MAGI2: variants seen among roughly 807,000 people sequenced by gnomAD.
MAGI2 encodes the protein membrane-associated guanylate kinase, WW and PDZ domain-containing protein 2.
A neutral mutation model predicts 133.3 loss-of-function variants in MAGI2; 35 were observed. The observed-to-expected ratio is 0.26, with a 90% CI of 0.20 to 0.35. The LOEUF is 0.35. Among genes scored for constraint, MAGI2 ranks in the 10% least tolerant of loss-of-function variants. The pLI is 1.00. For missense variants in MAGI2, 1,636 were observed against 1,863.4 expected, an observed-to-expected ratio of 0.88 and a Z score of 2.25; for synonymous variants, 729 against 710.6, an observed-to-expected ratio of 1.03 and a Z score of -0.41.
intron 6 of MAGI2, among the ~76,000 whole-genome samples, chr7:78,434,711 T>C (rs992248426): frequency 2.2e-4 from 34 of 151,866 alleles, no homozygotes; most frequent in African/African-American, 7.5e-4. Flanking sequence ...AGAAAGATAG[T>C]GGGATATAAA....
At chr7:79,277,795 T>G (rs1273558738) in intron 1 of MAGI2, among the ~76,000 whole-genome samples, 1 of 152,148 alleles carries the variant, frequency 6.6e-6, no homozygotes, top group Non-Finnish European at 1.5e-5. Flanking sequence ...CTCCTTGAGA[T>G]GTAAATCTTC....
intron 16 of MAGI2, among the ~76,000 whole-genome samples, chr7:78,138,627 A>T (rs1411338363): frequency 1.1e-4 from 2 of 18,978 alleles, no homozygotes; most frequent in Admixed American, 4.5e-4. Context: ...ACATAGATTC[A>T]CACACACACA....
chr7:78,394,041 A>G (rs1277727594), intron 6 of MAGI2, among the ~76,000 whole-genome samples: 2 of 152,176 alleles, frequency 1.3e-5, no homozygotes, highest in Non-Finnish European at 2.9e-5. Flanking sequence ...CCCAAGAACC[A>G]GGTGAACTGA....
At chr7:78,432,216 A>G (rs1338297725) in intron 6 of MAGI2, among the ~76,000 whole-genome samples, 1 of 151,752 alleles carries the variant, frequency 6.6e-6, no homozygotes, top group Non-Finnish European at 1.5e-5. Context: ...TACAAAAAAA[A>G]AAAAGGCAAA....
chr7:79,318,391 A>G (rs537509103), intron 1 of MAGI2, among the ~76,000 whole-genome samples: 240 of 150,574 alleles, frequency 1.6e-3, no homozygotes, highest in African/African-American at 5.4e-3. Context: ...TAAGAAAAGG[A>G]AAGCCATAAA....
intron 2 of MAGI2, among the ~76,000 whole-genome samples, chr7:78,846,336 C>T (rs777976722): frequency 9.2e-5 from 14 of 151,898 alleles, no homozygotes; most frequent in Admixed American, 4.6e-4. Flanking sequence ...CTTAATACAC[C>T]GCAATTTTTA....
intron 1 of MAGI2, among the ~76,000 whole-genome samples, chr7:79,294,844 C>T (rs977463417): frequency 8.0e-5 from 12 of 149,354 alleles, no homozygotes; most frequent in African/African-American, 2.9e-4. Context: ...ATTCTCCTGC[C>T]TCAGCCTTCT....
chr7:79,396,343 G>A (rs1221183199), intron 1 of MAGI2, among the ~76,000 whole-genome samples: 2 of 152,158 alleles, frequency 1.3e-5, no homozygotes, highest in African/African-American at 2.4e-5. Context: ...CCATAGAACA[G>A]AAGGGGATCA....
At chr7:79,050,156 T>C (rs1812544381) in intron 1 of MAGI2, among the ~76,000 whole-genome samples, 1 of 152,104 alleles carries the variant, frequency 6.6e-6, no homozygotes, top group Admixed American at 6.5e-5. Flanking sequence ...CAGCTAGAAG[T>C]CTGTTGTTTT....
chr7:79,040,440 G>T (rs1260840237), intron 1 of MAGI2, among the ~76,000 whole-genome samples: 2 of 152,154 alleles, frequency 1.3e-5, no homozygotes, highest in Non-Finnish European at 2.9e-5. Flanking sequence ...TCTCATGGAG[G>T]GTGGTTATCA....
chr7:78,942,722 A>G lies in MAGI2; in HGVS notation c.418+64368T>C, dbSNP rs191742363. 5.1e-4 allele frequency among the ~76,000 whole-genome samples: 78 copies of G among 152,260 alleles called. No individual in the cohort carries two copies. The South Asian group carries it at 5.8e-3, about 11-fold the overall frequency. Reference sequence around the variant, plus strand: ...ATAACTAAATACTTAGAATATATGTAAACAGGAAAGTACTAAAATATGCAT... The same window carrying G: ...ATAACTAAATACTTAGAATATATGTGAACAGGAAAGTACTAAAATATGCAT... On this transcript the variant is annotated intron_variant, in intron 2 of 21. Coordinates refer to ENST00000354212, the MANE Select transcript of MAGI2 (RefSeq NM_012301.4).
chr7:79,084,021 C>A (rs886900191), intron 1 of MAGI2, among the ~76,000 whole-genome samples: 1 of 151,506 alleles, frequency 6.6e-6, no homozygotes, highest in Non-Finnish European at 1.5e-5. Flanking sequence ...CTTTTTAACT[C>A]TTGATTTTAT....
At chr7:78,410,147 C>A (rs1197468514) in intron 6 of MAGI2, among the ~76,000 whole-genome samples, 1 of 151,694 alleles carries the variant, frequency 6.6e-6, no homozygotes, top group Non-Finnish European at 1.5e-5. Context: ...ATGTTGCTTC[C>A]ACCATTTGAA....
At chr7:78,613,109 A>G (rs1806654153) in intron 3 of MAGI2, among the ~76,000 whole-genome samples, 1 of 152,234 alleles carries the variant, frequency 6.6e-6, no homozygotes, top group Non-Finnish European at 1.5e-5. Context: ...CCATTTACTA[A>G]GAGAAGACGC....
At chr7:78,952,981 T>C (rs917106967) in intron 2 of MAGI2, among the ~76,000 whole-genome samples, 2 of 152,144 alleles carry the variant, frequency 1.3e-5, no homozygotes, top group Non-Finnish European at 2.9e-5. Flanking sequence ...AAGTGAAATA[T>C]TTGTTAAAAA....
chr7:79,270,042 A>C (rs568691949), intron 1 of MAGI2, among the ~76,000 whole-genome samples: 45 of 152,208 alleles, frequency 3.0e-4, no homozygotes, highest in African/African-American at 1.1e-3. Context: ...TCTTTTTCAG[A>C]CTTTTTGGCA....
chr7:79,424,719 T>C (rs1005796598), intron 1 of MAGI2, among the ~76,000 whole-genome samples: 4 of 152,100 alleles, frequency 2.6e-5, no homozygotes, highest in South Asian at 4.1e-4. Flanking sequence ...AGAAATAATA[T>C]ACTAAAGACT....
chr7:78,021,378 A>C (rs1176924545), intron 21 of MAGI2, among the ~76,000 whole-genome samples: 4 of 152,212 alleles, frequency 2.6e-5, no homozygotes, highest in Admixed American at 2.0e-4. Flanking sequence ...CTCACTAGCT[A>C]AAAGATTCAG....
intron 3 of MAGI2, among the ~76,000 whole-genome samples, chr7:78,537,206 CAG>C (rs1332381069): frequency 1.5e-4 from 22 of 148,318 alleles, no homozygotes; most frequent in African/African-American, 5.4e-4. Flanking sequence ...CACACACACA[CAG>C]ACACATTTTC....
Sources: gnomAD v4.1 joint callset for allele counts (sites outside exome capture counted in the v4.1 genomes callset) on GRCh38, gnomAD v4.1.1 for gene constraint, MANE v1.5 for transcripts, NCBI Gene and HGNC (gene_info 2026-07-23, HGNC 2026-07-21) for gene names.